Variants in ACYP2 observed in about 807,000 individuals in gnomAD.
ACYP2 encodes acylphosphatase 2.
ACYP2 carries 12 observed loss-of-function variants against 11.2 expected under a neutral mutation model. The observed-to-expected ratio is 1.08, with a 90% CI of 0.69 to 1.74. The LOEUF is 1.74. Ranked by LOEUF, ACYP2 falls within the 40% of genes most tolerant of loss-of-function variation. ACYP2 has a pLI of 0.00. For synonymous variants in ACYP2, 43 were observed against 32.2 expected (o/e 1.33, Z -1.13); for missense variants, 134 against 101.9 (o/e 1.31, Z -1.35).
intron 4 of ACYP2, among the ~76,000 whole-genome samples, chr2:54,086,694 C>T (rs987387805): frequency 3.3e-5 from 5 of 152,170 alleles, no homozygotes; most frequent in African/African-American, 9.7e-5. Flanking sequence ...TGTGCACGCG[C>T]GCGCTAGTGC....
intron 2 of ACYP2, among the ~76,000 whole-genome samples, chr2:54,029,271 G>A (rs561446313): frequency 1.3e-5 from 2 of 152,200 alleles, no homozygotes; most frequent in South Asian, 4.1e-4. Context: ...CAGCGGTGGA[G>A]TACCATTTTC....
intron 2 of ACYP2, among the ~76,000 whole-genome samples, chr2:54,038,608 A>G (rs1341847453): frequency 7.1e-6 from 1 of 141,454 alleles, no homozygotes; most frequent in Non-Finnish European, 1.5e-5. Context: ...CTGTTTCACC[A>G]GAACCTAAAG....
intron 6 of ACYP2, among the ~76,000 whole-genome samples, chr2:54,200,784 G>T (rs976315331): frequency 6.6e-6 from 1 of 152,142 alleles, no homozygotes; most frequent in Non-Finnish European, 1.5e-5. Context: ...GAGTAGAATT[G>T]CTGGGTTATT....
intron 6 of ACYP2, among the ~76,000 whole-genome samples, chr2:54,250,131 C>CATCT (rs1182074982): frequency 6.6e-6 from 1 of 152,068 alleles, no homozygotes; most frequent in African/African-American, 2.4e-5. Flanking sequence ...TTTCCATCCT[C>CATCT]ATCTATCTTA....
intron 3 of ACYP2, chr2:54,051,681 T>C (rs1675874302): frequency 3.0e-6 from 2 of 676,208 alleles, no homozygotes; most frequent in Admixed American, 2.0e-5. Flanking sequence ...AGGATATTGC[T>C]GCATATTGAG....
intron 4 of ACYP2, among the ~76,000 whole-genome samples, chr2:54,121,699 C>T (rs971280836): frequency 2.0e-5 from 3 of 152,204 alleles, no homozygotes; most frequent in Non-Finnish European, 2.9e-5. Flanking sequence ...ATTCCCTCTC[C>T]TGTCTTTGTT....
chr2:54,034,738 C>T (rs1008338189), intron 2 of ACYP2, among the ~76,000 whole-genome samples: 1 of 152,056 alleles, frequency 6.6e-6, no homozygotes, highest in Non-Finnish European at 1.5e-5. Flanking sequence ...CATCTGGGCA[C>T]GGTGGCTCAC....
intron 6 of ACYP2, among the ~76,000 whole-genome samples, chr2:54,229,772 A>G (rs1469463416): frequency 6.6e-6 from 1 of 152,144 alleles, no homozygotes; most frequent in Non-Finnish European, 1.5e-5. Flanking sequence ...GAGTCCCCCA[A>G]ACAGTTTTTT....
chr2:54,222,439 A>G (rs1685835999), intron 6 of ACYP2, among the ~76,000 whole-genome samples: 1 of 151,776 alleles, frequency 6.6e-6, no homozygotes, highest in African/African-American at 2.4e-5. Flanking sequence ...AAACCCAGCT[A>G]CTCAGGAGGC....
chr2:54,045,334 T>C (rs1041316953), intron 2 of ACYP2, among the ~76,000 whole-genome samples: 2 of 152,220 alleles, frequency 1.3e-5, no homozygotes, highest in African/African-American at 4.8e-5. Context: ...CTCAGCACCC[T>C]GCAACCATTA....
chr2:54,216,181 A>C (rs183498549), intron 6 of ACYP2, among the ~76,000 whole-genome samples: 1 of 152,336 alleles, frequency 6.6e-6, no homozygotes, highest in South Asian at 2.1e-4. Flanking sequence ...AATAATCCAT[A>C]TAAATAATTA....
intron 4 of ACYP2, among the ~76,000 whole-genome samples, chr2:54,087,564 T>C (rs1336801044): frequency 6.6e-6 from 1 of 152,180 alleles, no homozygotes; most frequent in African/African-American, 2.4e-5. Context: ...TTGCCCAGAC[T>C]AGTCTCAAAC....
chr2:54,115,894 C>T, intron 4 of ACYP2, 138 bp downstream of exon 1: 1 of 1,152,872 alleles, frequency 8.7e-7, no homozygotes, highest in Non-Finnish European at 1.1e-6. Flanking sequence ...ACAGCAGCGG[C>T]GGCGGGGAGG....
At chr2:54,018,223 G>A (rs1573531530) in intron 2 of ACYP2, among the ~76,000 whole-genome samples, 1 of 152,294 alleles carries the variant, frequency 6.6e-6, no homozygotes, top group Middle Eastern at 3.4e-3. Flanking sequence ...GGGTTTCACT[G>A]AGCCCCTCCC....
intron 2 of ACYP2, among the ~76,000 whole-genome samples, chr2:53,997,358 T>G (rs1672619702): frequency 6.6e-6 from 1 of 152,108 alleles, no homozygotes; most frequent in Non-Finnish European, 1.5e-5. Flanking sequence ...CAGGCTGGAG[T>G]GCAGTGGTGC....
intron 2 of ACYP2, among the ~76,000 whole-genome samples, chr2:53,993,509 C>A (rs975786407): frequency 6.6e-6 from 1 of 151,858 alleles, no homozygotes; most frequent in African/African-American, 2.4e-5. Context: ...ACCAACCTAG[C>A]CAACGTGGCG....
intron 4 of ACYP2, among the ~76,000 whole-genome samples, chr2:54,062,038 G>A (rs1291740346): frequency 6.6e-6 from 1 of 152,176 alleles, no homozygotes; most frequent in East Asian, 1.9e-4. Flanking sequence ...TGCGTAAGTT[G>A]CATTGCCTCT....
chr2:54,090,874 T>C (rs1471959476), intron 4 of ACYP2, among the ~76,000 whole-genome samples: 2 of 152,220 alleles, frequency 1.3e-5, no homozygotes, highest in Admixed American at 6.5e-5. Context: ...AGCACTTGCA[T>C]AGACTTGTTC....
At chr2:53,971,777 G>A (rs1032115784) in intron 1 of ACYP2, among the ~76,000 whole-genome samples, 4 of 152,154 alleles carry the variant, frequency 2.6e-5, no homozygotes, top group African/African-American at 7.2e-5. Context: ...AAGCTATGAA[G>A]GTTGAGTGCA....
Sources: allele counts gnomAD v4.1 joint callset (sites outside exome capture counted in the v4.1 genomes callset), GRCh38; gene constraint gnomAD v4.1.1; transcripts MANE v1.5; gene names NCBI Gene and HGNC (gene_info 2026-07-23, HGNC 2026-07-21).